ZBTB38: variants seen among roughly 807,000 people sequenced by gnomAD.
The protein encoded by ZBTB38 is zinc finger and BTB domain containing 38.
In ZBTB38, 20 loss-of-function variants were observed where a neutral mutation model predicts 76.8. The observed-to-expected ratio is 0.26, with a 90% CI of 0.18 to 0.38. The LOEUF is 0.38. Among genes scored for constraint, ZBTB38 ranks in the 10% least tolerant of loss-of-function variants. ZBTB38 has a pLI of 1.00. For missense variants in ZBTB38, 1,082 were observed against 1,482.3 expected (o/e 0.73, Z 4.43); for synonymous variants, 504 against 544.2 (o/e 0.93, Z 1.03).
chr3:141,407,990 T>G lies in ZBTB38; in HGVS notation c.-1+3959T>G, dbSNP rs891715924. 2.0e-5 allele frequency among the ~76,000 whole-genome samples: 3 copies of G among 152,350 alleles called. No homozygotes were observed. In the South Asian group the frequency reaches 6.2e-4, roughly 32 times the overall value. ...TCACAGTACTGGGTAACAAGCTGCC[T>G]GCAAACCAGTTTCTTTTTCTGGGGA... On this transcript the variant is annotated intron_variant, in intron 5 of 5. Coordinates refer to ENST00000321464, the MANE Select transcript of ZBTB38 (RefSeq NM_001376113.1).
chr3:141,437,323 C>T (rs2079029815), intron 5 of ZBTB38, among the ~76,000 whole-genome samples: 3 of 152,280 alleles, frequency 2.0e-5, no homozygotes, highest in Middle Eastern at 3.4e-3. Flanking sequence ...CAGCAGGATC[C>T]AGTACATACC....
rs139501117 is a variant in ZBTB38 at position 141,407,975 on chromosome 3, G to A, written c.-1+3944G>A. ...CTCTCTGCTGTGTGATCACAGTACT[G>A]GGTAACAAGCTGCCTGCAAACCAGT... is the stretch of plus-strand genomic sequence containing the variant. On this transcript the variant is annotated intron_variant, in intron 5 of 5. Transcript: ENST00000321464. 4.5e-3 allele frequency among the ~76,000 whole-genome samples: 680 copies of A among 152,284 alleles called. 8 individuals are homozygous for A. Among genetic ancestry groups the A allele is most frequent in the African/African-American group, 0.016 (654 of 41,556 alleles).
intron 5 of ZBTB38, among the ~76,000 whole-genome samples, chr3:141,414,088 A>G (rs1305673861): frequency 6.6e-6 from 1 of 152,244 alleles, no homozygotes; most frequent in East Asian, 1.9e-4. Flanking sequence ...AACAAAACCT[A>G]CATGTGATTT....
chr3:141,385,098 G>A (rs997010545), intron 3 of ZBTB38, among the ~76,000 whole-genome samples: 1 of 152,206 alleles, frequency 6.6e-6, no homozygotes, highest in African/African-American at 2.4e-5. Flanking sequence ...GCTTCAATGT[G>A]TTGCTAACCT....
At chr3:141,402,643 G>A (rs1033819500) in intron 4 of ZBTB38, among the ~76,000 whole-genome samples, 2 of 151,478 alleles carry the variant, frequency 1.3e-5, no homozygotes, top group Non-Finnish European at 3.0e-5. Context: ...CCGCGGGGAG[G>A]AAGCGCCCGC....
chr3:141,408,820 G>C (rs2149774946), intron 5 of ZBTB38, among the ~76,000 whole-genome samples: 1 of 152,296 alleles, frequency 6.6e-6, no homozygotes, highest in African/African-American at 2.4e-5. Flanking sequence ...TTGCCTCTTT[G>C]GAGGAGGATG....
At chr3:141,344,491 C>T (rs930543173) in intron 1 of ZBTB38, among the ~76,000 whole-genome samples, 1 of 152,220 alleles carries the variant, frequency 6.6e-6, no homozygotes, top group East Asian at 1.9e-4. Flanking sequence ...GCCTCAGCCT[C>T]CTGAATAACT....
Position 141,431,323 on chromosome 3 carries a change from C to CAAAAAAAAAAAAAAAA in ZBTB38, c.1-11062_1-11047dup, listed in dbSNP as rs71976494. Among the ~76,000 whole-genome samples, 19 of 101,396 alleles carry CAAAAAAAAAAAAAAAA rather than the reference C, an allele frequency of 1.9e-4. 1 individual carries two copies. The East Asian group carries it at 3.2e-3, about 17-fold the overall frequency. 66.5% of individuals were successfully genotyped at this position (101,396 alleles called of 152,430 possible). ...GGGGGACAAGAGCGAGACTTCGTCT[C>CAAAAAAAAAAAAAAAA]AAAAAAAAAAAAAAAAAAATATATA... On this transcript the variant is annotated intron_variant, in intron 5 of 5. Transcript: ENST00000321464.
intron 5 of ZBTB38, among the ~76,000 whole-genome samples, chr3:141,429,348 T>G (rs1240431942): frequency 1.4e-5 from 2 of 143,332 alleles, no homozygotes; most frequent in East Asian, 2.0e-4. Flanking sequence ...GTGCAGGGGA[T>G]GGCGGCAGGT....
intron 5 of ZBTB38, among the ~76,000 whole-genome samples, chr3:141,421,019 A>G (rs1367085307): frequency 2.4e-4 from 24 of 101,284 alleles, no homozygotes; most frequent in African/African-American, 1.6e-3. Flanking sequence ...AAGTTCAGGA[A>G]AAAAAAAAAA....
At chr3:141,441,383 C>T (rs765181129) in intron 5 of ZBTB38, among the ~76,000 whole-genome samples, 11 of 152,226 alleles carry the variant, frequency 7.2e-5, no homozygotes, top group Non-Finnish European at 1.2e-4. Context: ...CTTGTCCGTT[C>T]TTGTCAAAGG....
At chr3:141,424,348 G>T (rs781699235) in intron 5 of ZBTB38, among the ~76,000 whole-genome samples, 1 of 151,892 alleles carries the variant, frequency 6.6e-6, no homozygotes, top group Non-Finnish European at 1.5e-5. Flanking sequence ...GCAAGACCCT[G>T]ACTCTACAAA....
At chr3:141,402,525 G>A (rs1380698456) in intron 4 of ZBTB38, 3 of 149,024 alleles carry the variant, frequency 2.0e-5, no homozygotes, top group East Asian at 2.0e-4. Flanking sequence ...CGCGGCGCCC[G>A]TGGCGCCGCC....
intron 2 of ZBTB38, among the ~76,000 whole-genome samples, chr3:141,370,687 G>A (rs1944417572): frequency 6.6e-6 from 1 of 152,246 alleles, no homozygotes; most frequent in African/African-American, 2.4e-5. Flanking sequence ...ATGACCCTAA[G>A]CATCATGTTG....
chr3:141,361,262 C>A (rs918831271), intron 1 of ZBTB38, among the ~76,000 whole-genome samples: 1 of 151,960 alleles, frequency 6.6e-6, no homozygotes, highest in Admixed American at 6.6e-5. Flanking sequence ...GCAAAATATT[C>A]TCTGCTTTTT....
In ZBTB38 at chr3:141,444,769, A is replaced by G. The variant is rs1336539743; in HGVS notation, c.2381A>G (p.Tyr794Cys). Reference sequence around the variant, plus strand: ...GGAGAAATACCGGAGGAGTCAAACTATGTTGCTGATCCTGGAGGATCACTG... The same window carrying G: ...GGAGAAATACCGGAGGAGTCAAACTGTGTTGCTGATCCTGGAGGATCACTG... ...TRGEIPEESN[Y>C]VADPGGSLSK... Residue 794 changes from tyrosine to cysteine, a missense_variant, in exon 6 of 6, where the codon TAT (tyrosine) becomes TGT (cysteine). Physicochemically the swap from Tyr to Cys is radical, Grantham distance 194 (BLOSUM62 -2). Transcript: ENST00000321464. The surrounding 1 kb of genome is among the most constrained non-coding windows in gnomAD (Gnocchi z 5.1). 6.2e-7 allele frequency: 1 copy of G among 1,614,160 alleles called. No individual in the cohort carries two copies. Among genetic ancestry groups the G allele is most frequent in the Non-Finnish European group, 8.5e-7 (1 of 1,180,036 alleles).
At chr3:141,358,156 G>A (rs2148951430) in intron 1 of ZBTB38, among the ~76,000 whole-genome samples, 1 of 152,324 alleles carries the variant, frequency 6.6e-6, no homozygotes, top group South Asian at 2.1e-4. Context: ...GACAAGGTAA[G>A]CGCCACAGGA....
chr3:141,410,083 G>A (rs894770431), intron 5 of ZBTB38, among the ~76,000 whole-genome samples: 1 of 152,206 alleles, frequency 6.6e-6, no homozygotes. Flanking sequence ...GCTCTAAGGT[G>A]TAGTACTTTA....
intron 5 of ZBTB38, among the ~76,000 whole-genome samples, chr3:141,423,242 C>A (rs1487453365): frequency 2.6e-5 from 4 of 152,188 alleles, no homozygotes; most frequent in African/African-American, 7.2e-5. Context: ...TACCTTTCAA[C>A]TGTCGAGCAT....
Sources: gnomAD v4.1 joint callset for allele counts (sites outside exome capture counted in the v4.1 genomes callset) on GRCh38, gnomAD v4.1.1 for gene constraint, Gnocchi (gnomAD v3.1) non-coding constraint, MANE v1.5 for transcripts, NCBI Gene and HGNC (gene_info 2026-07-23, HGNC 2026-07-21) for gene names.